The following EGFR variants were observed in gnomAD, a reference collection of about 807,000 sequenced individuals.
EGFR encodes the protein avian erythroblastic leukemia viral (v-erb-b) oncogene homolog.
Under a neutral mutation model 143.0 loss-of-function variants are expected in EGFR, and 58 were observed. The observed-to-expected ratio is 0.41, with a 90% CI of 0.33 to 0.50. The LOEUF (loss-of-function observed/expected upper bound fraction) is 0.50. Ranked by LOEUF, EGFR falls within the 20% of genes least tolerant of loss-of-function variation. The pLI is 0.39. For synonymous variants in EGFR, 613 were observed against 594.4 expected, an observed-to-expected ratio of 1.03 and a Z score of -0.45; for missense variants, 1,307 against 1,579.0, an observed-to-expected ratio of 0.83 and a Z score of 2.92.
rs1785815143 is a variant in EGFR at position 55,163,666 on chromosome 7, A to G, written c.1632-67A>G. On this transcript the variant is annotated intron_variant, in intron 13 of 27. Transcript: ENST00000275493. The stretch of plus-strand genomic sequence containing the variant: ...CCTCAAGTTATTTGGAATTTTGAAG[A>G]GGTGATTTGTGTTCCTGCAATAATG... The G allele has an allele frequency of 3.0e-6, 4 of 1,347,438 alleles. No individual in the cohort carries two copies. In the Admixed American group the frequency reaches 6.7e-5, roughly 23 times the overall value. The allele number at this position is 1,347,438 out of a possible 1,614,324, so 83.5% of individuals were successfully genotyped here.
chr7:55,171,149 G>A (rs1008816349), intron 15 of EGFR, 26 bp from the exon 16 acceptor site: 3 of 1,613,740 alleles, frequency 1.9e-6, no homozygotes, highest in African/African-American at 1.3e-5. Flanking sequence ...TGAGAAAAAT[G>A]TATATTTCTC....
At chr7:55,059,203 ATC>A (rs1286011615) in intron 1 of EGFR, among the ~76,000 whole-genome samples, 10 of 152,232 alleles carry the variant, frequency 6.6e-5, no homozygotes, top group Non-Finnish European at 8.8e-5. Flanking sequence ...CAGATCTTAG[ATC>A]TCTGTTATCT....
In EGFR at chr7:55,151,381, T is replaced by C. The variant is rs756486534; in HGVS notation, c.628+19T>C. On this transcript the variant is annotated intron_variant, in intron 5 of 27. Transcript: ENST00000275493. ...CAGAAACGTAAGTCAGTGAACAGCCTCAGACCCATGTGTGACCGCCCCTCT... is the reference window on the plus strand; with the variant it reads ...CAGAAACGTAAGTCAGTGAACAGCCCCAGACCCATGTGTGACCGCCCCTCT... 3.1e-6 allele frequency: 5 copies of C among 1,613,800 alleles called. No homozygotes were observed. In the Admixed American group the frequency reaches 8.3e-5, roughly 27 times the overall value.
chr7:55,142,551 C>T, intron 2 of EGFR, 114 bp downstream of exon 2: 1 of 1,327,116 alleles, frequency 7.5e-7, no homozygotes, highest in South Asian at 1.2e-5. Context: ...AATGACAAGT[C>T]TTACAGAGCT....
chr7:55,068,929 G>A (rs927303447), intron 1 of EGFR, among the ~76,000 whole-genome samples: 7 of 152,162 alleles, frequency 4.6e-5, no homozygotes, highest in African/African-American at 1.7e-4. Flanking sequence ...CAGGGAAAAG[G>A]CATCTGGTCA....
At chr7:55,028,130 C>T (rs540713507) in intron 1 of EGFR, among the ~76,000 whole-genome samples, 7 of 151,228 alleles carry the variant, frequency 4.6e-5, no homozygotes, top group African/African-American at 1.5e-4. Context: ...TGATATCTGA[C>T]GATTTTACCA....
intron 18 of EGFR, 129 bp downstream of exon 18, chr7:55,174,172 G>A (rs2128954048): frequency 7.4e-7 from 1 of 1,351,488 alleles, no homozygotes; most frequent in Non-Finnish European, 1.0e-6. Context: ...GAGTGTTTGG[G>A]AAACTCCAGT....
intron 1 of EGFR, chr7:55,110,060 TGGGGAG>T: frequency 1.8e-6 from 1 of 561,936 alleles, no homozygotes; most frequent in Non-Finnish European, 2.3e-6. Context: ...GAGATACTGC[TGGGGAG>T]GGAAGAAGTG....
chr7:55,102,747 ATTT>A (rs1791901649), intron 1 of EGFR, among the ~76,000 whole-genome samples: 5 of 152,222 alleles, frequency 3.3e-5, no homozygotes, highest in Non-Finnish European at 5.9e-5. Flanking sequence ...GTATCTGTTC[ATTT>A]ATATATCTTA....
intron 8 of EGFR, 37 bp from the exon 9 acceptor site, chr7:55,156,496 A>G: frequency 6.2e-7 from 1 of 1,613,642 alleles, no homozygotes; most frequent in Non-Finnish European, 8.5e-7. Context: ...TAATCCAACA[A>G]ATGTGAACGG....
intron 15 of EGFR, chr7:55,168,667 A>G: frequency 7.5e-7 from 1 of 1,325,586 alleles, no homozygotes; most frequent in Non-Finnish European, 1.0e-6. Context: ...TTTCTTTAGT[A>G]TGTGTGATTA....
At chr7:55,027,988 AAAAATATATATATATATATATAT>A (rs1461352220) in intron 1 of EGFR, among the ~76,000 whole-genome samples, 3 of 87,848 alleles carry the variant, frequency 3.4e-5, no homozygotes, top group South Asian at 4.5e-4. Context: ...AAAAAAAAAA[AAAAATATATATATATATATATAT>A]ATATATATAT....
chr7:55,088,526 G>A (rs1790903005), intron 1 of EGFR, among the ~76,000 whole-genome samples: 1 of 152,126 alleles, frequency 6.6e-6, no homozygotes, highest in Non-Finnish European at 1.5e-5. Flanking sequence ...CAACTGCCAG[G>A]CATCCGCACT....
At chr7:55,134,691 A>G (rs1227771574) in intron 1 of EGFR, among the ~76,000 whole-genome samples, 2 of 152,250 alleles carry the variant, frequency 1.3e-5, no homozygotes, top group African/African-American at 2.4e-5. Flanking sequence ...TCAGTTGCCC[A>G]TAAAAAATGG....
intron 1 of EGFR, among the ~76,000 whole-genome samples, chr7:55,102,526 C>G (rs1791889617): frequency 6.6e-6 from 1 of 152,216 alleles, no homozygotes; most frequent in Non-Finnish European, 1.5e-5. Flanking sequence ...GCAGCGTCTG[C>G]TGCTTCTTGG....
intron 1 of EGFR, among the ~76,000 whole-genome samples, chr7:55,060,745 T>A (rs1482077705): frequency 3.3e-5 from 5 of 152,292 alleles, no homozygotes; most frequent in Non-Finnish European, 5.9e-5. Flanking sequence ...AGTATAACGA[T>A]GCAGTTCCCT....
chr7:55,160,575 T>A (rs2128941952), intron 12 of EGFR, among the ~76,000 whole-genome samples: 1 of 152,396 alleles, frequency 6.6e-6, no homozygotes, highest in East Asian at 1.9e-4. Flanking sequence ...ACCAATTATT[T>A]GTAATGTAAG....
chr7:55,159,160 A>G (rs907574343), intron 11 of EGFR, among the ~76,000 whole-genome samples: 19 of 152,154 alleles, frequency 1.2e-4, no homozygotes, highest in Non-Finnish European at 2.2e-4. Context: ...AGCCTGCATC[A>G]TCGTGGTCCT....
intron 24 of EGFR, 169 bp downstream of exon 24, chr7:55,200,582 T>A (rs965658761): frequency 2.8e-6 from 2 of 712,532 alleles, no homozygotes; most frequent in African/African-American, 1.7e-5. Flanking sequence ...CATCGTGAAC[T>A]AAGCAGCATC....
Sources: gnomAD v4.1 joint callset for allele counts (sites outside exome capture counted in the v4.1 genomes callset) on GRCh38, gnomAD v4.1.1 for gene constraint, MANE v1.5 for transcripts, NCBI Gene and HGNC (gene_info 2026-07-23, HGNC 2026-07-21) for gene names.